Variants in STEEP1 observed in about 807,000 individuals in gnomAD.
STEEP1 encodes STING1 ER exit protein 1, also known as STING ER exit protein.
STEEP1 carries 3 observed loss-of-function variants against 19.2 expected under a neutral mutation model. The observed-to-expected ratio is 0.16, with a 90% CI of 0.07 to 0.40. The LOEUF is 0.40. Among genes scored for constraint, STEEP1 ranks in the 10% least tolerant of loss-of-function variants. The pLI is 0.99. For synonymous variants in STEEP1, 46 were observed against 63.7 expected, an observed-to-expected ratio of 0.72 and a Z score of 1.32; for missense variants, 54 against 177.1, an observed-to-expected ratio of 0.30 and a Z score of 3.94.
chrX:119,554,183 G>A (rs1271969452), intron 2 of STEEP1, among the ~76,000 whole-genome samples: 3 of 111,585 alleles, frequency 2.7e-5, no homozygotes, highest in Non-Finnish European at 3.8e-5. Flanking sequence ...GGTGGCTCAC[G>A]CCTGTAATCC....
chrX:119,556,642 C>G (rs1258685108), intron 2 of STEEP1, among the ~76,000 whole-genome samples: 1 of 109,464 alleles, frequency 9.1e-6, no homozygotes, highest in Non-Finnish European at 1.9e-5. Context: ...GTGGTACTGT[C>G]CACAGTAGAG....
intron 2 of STEEP1, among the ~76,000 whole-genome samples, chrX:119,557,744 G>A (rs1269606439): frequency 1.8e-5 from 2 of 110,338 alleles, no homozygotes; most frequent in Non-Finnish European, 3.8e-5. Context: ...GGAATGCCAA[G>A]GATTGCTGGT....
chrX:119,548,345 C>T (rs761806117), intron 2 of STEEP1, among the ~76,000 whole-genome samples: 2 of 110,118 alleles, frequency 1.8e-5, no homozygotes, highest in Admixed American at 1.9e-4. Context: ...ACCATCCTGG[C>T]CAACATGGTG....
At chrX:119,563,139 T>C (rs755281179) in intron 1 of STEEP1, among the ~76,000 whole-genome samples, 30 of 112,114 alleles carry the variant, frequency 2.7e-4, no homozygotes, top group African/African-American at 9.1e-4. Context: ...TATGAAACCA[T>C]TGGTTTTGAA....
At position 119,565,324 on chromosome X, in the gene STEEP1, C is replaced by G. The variant is rs1243678722; in HGVS notation, c.32G>C (p.Cys11Ser). ...TTCCTCCCGGTCCCGAGTGTCAGAGCAGACTACTGACCGAGACACTACTTT... is the reference window on the plus strand; with the variant it reads ...TTCCTCCCGGTCCCGAGTGTCAGAGGAGACTACTGACCGAGACACTACTTT... The part of the protein sequence containing the change: MPKVVSRSVV[C>S]SDTRDREEYD... The change falls in exon 1 of 7, where the codon TGC becomes TCC. Residue 11 changes from cysteine (C) to serine (S), a missense_variant. Physicochemically the swap from Cys to Ser is moderately radical, Grantham distance 112. This residue lies in a region of STEEP1 where 47 missense variants were observed against 118.5 expected (regional missense o/e 0.40). Transcript: ENST00000644802. 1 of 1,206,196 alleles carries G rather than the reference C, an allele frequency of 8.3e-7. No individual in the cohort carries two copies. Among genetic ancestry groups the G allele is most frequent in the Non-Finnish European group, 1.1e-6 (1 of 892,662 alleles).
rs2053150730 is a variant in STEEP1 at position 119,539,787 on chromosome X, A to G, written c.609T>C (p.Ala203=). The part of the protein sequence containing the change: ...GMSKRRLQEL[A]ELEAKKAKMK... ...TTTTCGCTTTCTTGGCTTCCAATTC[A>G]GCCTAGAAAGAAAAAAAAAGCATAT... The change falls in exon 7 of 7, where the codon GCT becomes GCC. Residue 203 remains alanine (A), a splice_region_variant and synonymous_variant. Transcript: ENST00000644802. 2 of 1,198,091 alleles carry G rather than the reference A, an allele frequency of 1.7e-6. No homozygotes were observed. Among genetic ancestry groups the G allele is most frequent in the Non-Finnish European group, 2.3e-6 (2 of 886,264 alleles).
intron 1 of STEEP1, 150 bp downstream of exon 1, chrX:119,565,082 C>T: frequency 2.2e-6 from 2 of 926,553 alleles, no homozygotes; most frequent in South Asian, 3.1e-5. Flanking sequence ...TGGAGTGGGG[C>T]GGGGATGCGT....
chrX:119,546,660 T>C (rs1267361801), intron 2 of STEEP1, among the ~76,000 whole-genome samples: 3 of 110,465 alleles, frequency 2.7e-5, no homozygotes, highest in African/African-American at 6.6e-5. Context: ...AGACACCAAG[T>C]CATATACACA....
chrX:119,544,234 G>A, intron 4 of STEEP1, 119 bp downstream of exon 4: 1 of 512,120 alleles, frequency 2.0e-6, no homozygotes, highest in East Asian at 3.7e-5. Flanking sequence ...GACAAAAAAA[G>A]AAAAAGAAAT....
intron 2 of STEEP1, among the ~76,000 whole-genome samples, chrX:119,554,058 T>C (rs1034345535): frequency 2.4e-4 from 27 of 112,220 alleles, no homozygotes; most frequent in African/African-American, 8.7e-4. Context: ...TAATATGAGC[T>C]AGATGTTTGG....
intron 5 of STEEP1, among the ~76,000 whole-genome samples, chrX:119,542,202 G>T (rs2053168765): frequency 9.2e-6 from 1 of 108,517 alleles, no homozygotes; most frequent in African/African-American, 3.4e-5. Context: ...GAGTAGCTGG[G>T]ATTACAGGCG....
chrX:119,555,534 T>C (rs758564985), intron 2 of STEEP1, among the ~76,000 whole-genome samples: 2 of 111,276 alleles, frequency 1.8e-5, no homozygotes, highest in South Asian at 7.5e-4. Flanking sequence ...AAGGCATTGC[T>C]ATAAGTGATG....
At chrX:119,552,999 C>G (rs1194672044) in intron 2 of STEEP1, among the ~76,000 whole-genome samples, 1 of 110,376 alleles carries the variant, frequency 9.1e-6, no homozygotes. Flanking sequence ...CCTGTCTCTA[C>G]AAAAATTACC....
intron 4 of STEEP1, among the ~76,000 whole-genome samples, chrX:119,543,769 ACCATGC>A (rs981957470): frequency 2.7e-5 from 3 of 112,071 alleles, no homozygotes; most frequent in African/African-American, 9.7e-5. Context: ...GGCATGAGCC[ACCATGC>A]CCAGCTTGGA....
intron 2 of STEEP1, among the ~76,000 whole-genome samples, chrX:119,556,063 C>T (rs2053276591): frequency 9.0e-6 from 1 of 111,556 alleles, no homozygotes; most frequent in African/African-American, 3.3e-5. Flanking sequence ...TTCTTGTGGC[C>T]TCTCCTTCCC....
chrX:119,547,624 C>A (rs2053214762), intron 2 of STEEP1, among the ~76,000 whole-genome samples: 1 of 111,823 alleles, frequency 8.9e-6, no homozygotes, highest in South Asian at 3.7e-4. Flanking sequence ...AGGAAACTTG[C>A]AATAATTAAG....
intron 2 of STEEP1, among the ~76,000 whole-genome samples, chrX:119,553,952 A>G (rs890799318): frequency 8.9e-6 from 1 of 112,379 alleles, no homozygotes; most frequent in African/African-American, 3.2e-5. Context: ...AAAATAAGGC[A>G]GGGTTCCTGC....
At chrX:119,556,350 G>A (rs1450564959) in intron 2 of STEEP1, among the ~76,000 whole-genome samples, 1 of 110,627 alleles carries the variant, frequency 9.0e-6, no homozygotes, top group South Asian at 3.8e-4. Flanking sequence ...TTGGGAGGCC[G>A]AAGTGGGCGG....
rs549188054 is a variant in STEEP1 at position 119,539,616 on chromosome X, G to A, written c.*111C>T. On this transcript the variant is annotated 3_prime_UTR_variant, in exon 7 of 7. Transcript: ENST00000644802. ...TGTAGGAGAATCAATGGGAAACAAC[G>A]TAAAGCCTTCTGCTAGGGCATAAAT... The A allele has an allele frequency of 1.0e-4, 55 of 543,620 alleles. No individual in the cohort carries two copies. The highest frequency in any genetic ancestry group is 1.5e-4 in the Non-Finnish European group (50 of 327,133). 44.8% of individuals were successfully genotyped at this position (543,620 alleles called of 1,213,427 possible).
Sources: gnomAD v4.1 joint callset for allele counts (sites outside exome capture counted in the v4.1 genomes callset) on GRCh38, gnomAD v4.1.1 for gene constraint, gnomAD v4.1.1 regional missense constraint, MANE v1.5 for transcripts, NCBI Gene and HGNC (gene_info 2026-07-23, HGNC 2026-07-21) for gene names.